The following ST6GALNAC3 variants were observed in gnomAD, a reference collection of about 807,000 sequenced individuals.
The protein encoded by ST6GALNAC3 is ST6 N-acetylgalactosaminide alpha-2,6-sialyltransferase 3, also known as alpha-N-acetylgalactosaminide alpha-2,6-sialyltransferase 3.
Under a neutral mutation model 32.7 loss-of-function variants are expected in ST6GALNAC3, and 25 were observed. The ratio of observed to expected loss-of-function variants is 0.76; its 90% confidence interval spans 0.56 to 1.07. ST6GALNAC3 has a LOEUF of 1.07. ST6GALNAC3 is among the 50% of genes least tolerant of loss of function. The pLI, the probability that ST6GALNAC3 is intolerant of heterozygous loss-of-function variation, is 0.00. For synonymous variants in ST6GALNAC3, 129 were observed against 133.1 expected (o/e 0.97, Z 0.21); for missense variants, 355 against 382.4 (o/e 0.93, Z 0.60).
intron 2 of ST6GALNAC3, among the ~76,000 whole-genome samples, chr1:76,383,664 G>A (rs1651887490): frequency 1.3e-5 from 2 of 152,238 alleles, no homozygotes; most frequent in South Asian, 2.1e-4. Context: ...AAGAGTAAGA[G>A]AAAGGTTTAA....
Position 76,271,083 on chromosome 1 carries a change from A to T in ST6GALNAC3, c.19-42722A>T, listed in dbSNP as rs1033164355. 4.6e-5 allele frequency among the ~76,000 whole-genome samples: 7 copies of T among 152,148 alleles called. No homozygotes were observed. In the South Asian group the frequency reaches 6.2e-4, roughly 14 times the overall value. ...ACTGGCTGCCTTGTTTGTTTTATAA[A>T]TTGATCCTCATATTGATTCCTTACT... On this transcript the variant is annotated intron_variant, in intron 1 of 4. Coordinates refer to ENST00000328299, the MANE Select transcript of ST6GALNAC3 (RefSeq NM_152996.4).
chr1:76,244,527 G>A (rs528003632), intron 1 of ST6GALNAC3, among the ~76,000 whole-genome samples: 16 of 152,104 alleles, frequency 1.1e-4, no homozygotes, highest in Non-Finnish European at 1.2e-4. Context: ...TCTTGTGCCC[G>A]TTTTGAAAGA....
chr1:76,421,415 A>G (rs910478497), intron 3 of ST6GALNAC3, among the ~76,000 whole-genome samples: 2 of 151,990 alleles, frequency 1.3e-5, no homozygotes, highest in African/African-American at 4.8e-5. Context: ...TTTTAGTTTC[A>G]CTTCAGTTGT....
At chr1:76,113,982 G>A (rs1206503387) in intron 1 of ST6GALNAC3, among the ~76,000 whole-genome samples, 3 of 147,830 alleles carry the variant, frequency 2.0e-5, no homozygotes, top group South Asian at 2.1e-4. Flanking sequence ...CTGCCACCAC[G>A]CCCGGCTAAT....
chr1:76,209,018 G>T (rs1013003269), intron 1 of ST6GALNAC3, among the ~76,000 whole-genome samples: 16 of 152,194 alleles, frequency 1.1e-4, no homozygotes, highest in African/African-American at 3.6e-4. Flanking sequence ...TAGTTCTCCT[G>T]TCAAAGCTTT....
intron 1 of ST6GALNAC3, among the ~76,000 whole-genome samples, chr1:76,139,241 A>T: frequency 6.6e-6 from 1 of 152,152 alleles, no homozygotes; most frequent in East Asian, 1.9e-4. Flanking sequence ...TACATGCACA[A>T]TCACACAAAC....
At chr1:76,330,317 T>C (rs918561206) in intron 2 of ST6GALNAC3, among the ~76,000 whole-genome samples, 1 of 152,148 alleles carries the variant, frequency 6.6e-6, no homozygotes, top group African/African-American at 2.4e-5. Flanking sequence ...CATGCCCGGC[T>C]AATTTTTGTA....
rs750967620 is a variant in ST6GALNAC3, at chr1:76,074,823, C to G, written c.-44C>G. ...CCTGCCCCCAGGACTGCCCCTGACC[C>G]AGGCGCGCCCGCTGCTCGGTGGCAG... On this transcript the variant is annotated 5_prime_UTR_variant, in exon 1 of 5. Coordinates refer to ENST00000328299, the MANE Select transcript of ST6GALNAC3 (RefSeq NM_152996.4). The G allele has an allele frequency of 6.4e-7, 1 of 1,565,046 alleles. No individual in the cohort carries two copies. Among genetic ancestry groups the G allele is most frequent in the Non-Finnish European group, 8.7e-7 (1 of 1,155,260 alleles).
At chr1:76,149,421 A>G (rs1650900171) in intron 1 of ST6GALNAC3, among the ~76,000 whole-genome samples, 1 of 152,228 alleles carries the variant, frequency 6.6e-6, no homozygotes, top group Non-Finnish European at 1.5e-5. Flanking sequence ...AAGCAGACCT[A>G]TAAGCAAAGG....
chr1:76,519,270 T>G (rs1441977887), intron 3 of ST6GALNAC3, among the ~76,000 whole-genome samples: 4 of 152,120 alleles, frequency 2.6e-5, no homozygotes, highest in Non-Finnish European at 5.9e-5. Flanking sequence ...TACCTCAGCC[T>G]TCACACATTA....
At chr1:76,531,587 T>A (rs1326485980) in intron 3 of ST6GALNAC3, among the ~76,000 whole-genome samples, 5 of 152,214 alleles carry the variant, frequency 3.3e-5, no homozygotes, top group Non-Finnish European at 7.3e-5. Context: ...GTAATTTCCA[T>A]TTTGTGTGCT....
chr1:76,324,044 A>G (rs372307736), intron 2 of ST6GALNAC3, among the ~76,000 whole-genome samples: 2 of 151,924 alleles, frequency 1.3e-5, no homozygotes, highest in South Asian at 2.1e-4. Context: ...TGTTTTAGTA[A>G]AGACATGGTT....
At chr1:76,247,844 C>G (rs564203058) in intron 1 of ST6GALNAC3, among the ~76,000 whole-genome samples, 1 of 151,868 alleles carries the variant, frequency 6.6e-6, no homozygotes, top group African/African-American at 2.4e-5. Context: ...TCTCCTGTCT[C>G]GGTGGGTTTC....
At chr1:76,303,506 C>T (rs372200810) in intron 1 of ST6GALNAC3, among the ~76,000 whole-genome samples, 2 of 152,138 alleles carry the variant, frequency 1.3e-5, no homozygotes, top group South Asian at 4.1e-4. Context: ...TACCGGTACA[C>T]CCCTGGTGAG....
rs185988595 is a variant in ST6GALNAC3 at position 76,167,675 on chromosome 1, G to T, written c.18+92791G>T. On this transcript the variant is annotated intron_variant, in intron 1 of 4. Coordinates refer to ENST00000328299, the MANE Select transcript of ST6GALNAC3 (RefSeq NM_152996.4). Reference sequence around the variant, plus strand: ...TGATTCAATTTCGGAGCTCATTATTGTCTGTTCAGGGATTCAGTTTCTTCC... The same window carrying T: ...TGATTCAATTTCGGAGCTCATTATTTTCTGTTCAGGGATTCAGTTTCTTCC... Among the ~76,000 whole-genome samples the T allele has an allele frequency of 2.2e-4, 34 of 152,184 alleles. No individual in the cohort carries two copies. The East Asian group carries it at 5.6e-3, about 25-fold the overall frequency.
chr1:76,626,338 A>G (rs1010135872), intron 3 of ST6GALNAC3, among the ~76,000 whole-genome samples: 1 of 151,918 alleles, frequency 6.6e-6, no homozygotes, highest in Non-Finnish European at 1.5e-5. Context: ...CTACACAGCT[A>G]TCAAACAAAT....
At chr1:76,154,591 T>G (rs1651277114) in intron 1 of ST6GALNAC3, among the ~76,000 whole-genome samples, 1 of 152,190 alleles carries the variant, frequency 6.6e-6, no homozygotes, top group African/African-American at 2.4e-5. Context: ...GCATCCGCCT[T>G]GGTAATGCTG....
chr1:76,331,437 CTAAG>C (rs1465635603), intron 2 of ST6GALNAC3, among the ~76,000 whole-genome samples: 1 of 152,194 alleles, frequency 6.6e-6, no homozygotes, highest in Non-Finnish European at 1.5e-5. Context: ...TTTCAACTAT[CTAAG>C]TAATGATTGA....
intron 3 of ST6GALNAC3, 88 bp downstream of exon 3, chr1:76,412,505 C>T: frequency 7.5e-7 from 1 of 1,331,706 alleles, no homozygotes; most frequent in South Asian, 1.5e-5. Context: ...ATAAAATGAA[C>T]AGTTATTTAT....
Sources: allele counts gnomAD v4.1 joint callset (sites outside exome capture counted in the v4.1 genomes callset), GRCh38; gene constraint gnomAD v4.1.1; transcripts MANE v1.5; gene names NCBI Gene and HGNC (gene_info 2026-07-23, HGNC 2026-07-21).